The following MEF2A variants were observed in gnomAD, a reference collection of about 807,000 sequenced individuals.
The protein encoded by MEF2A is myocyte-specific enhancer factor 2A.
In MEF2A, 28 loss-of-function variants were observed where a neutral mutation model predicts 55.8. The observed-to-expected ratio is 0.50, with a 90% CI of 0.37 to 0.69. MEF2A has a LOEUF of 0.69. Among genes scored for constraint, MEF2A ranks in the 30% least tolerant of loss-of-function variants. The pLI is 0.00. For synonymous variants in MEF2A, 239 were observed against 227.1 expected (o/e 1.05, Z -0.47); for missense variants, 528 against 626.2 (o/e 0.84, Z 1.67).
At chr15:99,589,049 G>T (rs772450322) in intron 1 of MEF2A, among the ~76,000 whole-genome samples, 4 of 152,016 alleles carry the variant, frequency 2.6e-5, no homozygotes, top group African/African-American at 4.8e-5. Flanking sequence ...GCCTCATTTT[G>T]GTATCAGGGT....
intron 7 of MEF2A, among the ~76,000 whole-genome samples, chr15:99,675,827 G>A (rs900041232): frequency 2.0e-5 from 3 of 152,086 alleles, no homozygotes; most frequent in Non-Finnish European, 2.9e-5. Context: ...TGCCTGAGCT[G>A]AAGAGTTTGT....
At position 99,680,347 on chromosome 15, in the gene MEF2A, CA is replaced by C. The variant is rs528632189; in HGVS notation, c.670+4898del. Among the ~76,000 whole-genome samples the C allele has an allele frequency of 1.5e-4, 22 of 150,418 alleles. 1 individual carries two copies. The highest frequency in any genetic ancestry group is 4.2e-4 in the South Asian group (2 of 4,762). On this transcript the variant is annotated intron_variant, in intron 7 of 11. Transcript: ENST00000557942. The stretch of plus-strand genomic sequence containing the variant: ...ATTCATGAAATTCAAATTAAAATGA[CA>C]AAAAAAAATACTACTCTTACTTACT...
chr15:99,679,918 A>C (rs1007497800), intron 7 of MEF2A, among the ~76,000 whole-genome samples: 1 of 152,234 alleles, frequency 6.6e-6, no homozygotes, highest in Non-Finnish European at 1.5e-5. Flanking sequence ...GAGAAAATGT[A>C]TAGACACTCA....
At chr15:99,701,390 C>G (rs977925397) in intron 8 of MEF2A, among the ~76,000 whole-genome samples, 1 of 152,014 alleles carries the variant, frequency 6.6e-6, no homozygotes, top group Non-Finnish European at 1.5e-5. Flanking sequence ...AACAAGTTGT[C>G]AAGGTCATGC....
In MEF2A at chr15:99,714,651, T is replaced by C. The variant is rs1484456006; in HGVS notation, c.*1880T>C. The C allele has an allele frequency of 6.6e-6, 1 of 152,200 alleles. No homozygotes were observed. The highest frequency in any genetic ancestry group is 1.5e-5 in the Non-Finnish European group (1 of 68,022). 9.4% of individuals were successfully genotyped at this position (152,200 alleles called of 1,614,324 possible). On this transcript the variant is annotated 3_prime_UTR_variant, in exon 12 of 12. Transcript: ENST00000557942. ...CAAGTTCATCCACTTACTGGGCTTG[T>C]GCCATGAGCAAAATTCAAAGTCCTG...
chr15:99,596,504 C>T (rs1463884130), intron 1 of MEF2A, among the ~76,000 whole-genome samples: 1 of 152,020 alleles, frequency 6.6e-6, no homozygotes, highest in Non-Finnish European at 1.5e-5. Context: ...TTTTTCCCGC[C>T]CCCAGAGGAG....
chr15:99,689,691 A>G (rs1287828213), intron 7 of MEF2A, among the ~76,000 whole-genome samples: 1 of 152,102 alleles, frequency 6.6e-6, no homozygotes, highest in Non-Finnish European at 1.5e-5. Flanking sequence ...ATGTTGGCCA[A>G]GCTGGTCTCA....
At chr15:99,625,035 T>C (rs1459107915) in intron 2 of MEF2A, among the ~76,000 whole-genome samples, 1 of 152,214 alleles carries the variant, frequency 6.6e-6, no homozygotes, top group Non-Finnish European at 1.5e-5. Context: ...ATGGTTTTGC[T>C]GAACTAGACT....
intron 4 of MEF2A, among the ~76,000 whole-genome samples, chr15:99,659,770 C>T (rs147939304): frequency 5.3e-5 from 8 of 152,212 alleles, no homozygotes; most frequent in South Asian, 2.1e-4. Flanking sequence ...TTTAGTTTTC[C>T]GTTCAGTGGC....
At chr15:99,602,658 GT>G (rs1426829674) in intron 2 of MEF2A, among the ~76,000 whole-genome samples, 4 of 93,624 alleles carry the variant, frequency 4.3e-5, no homozygotes, top group East Asian at 3.0e-4. Context: ...CCTGGGGTGT[GT>G]GTGTGTGTGT....
At position 99,682,917 on chromosome 15, in the gene MEF2A, T is replaced by C. The variant is rs113325725; in HGVS notation, c.671-7324T>C. On this transcript the variant is annotated intron_variant, in intron 7 of 11. Transcript: ENST00000557942. The stretch of plus-strand genomic sequence containing the variant: ...AAGAATCTTCTAAATAATATCAGAA[T>C]CAGAACACATATTCATGCCATTGTA... 9.4e-3 allele frequency among the ~76,000 whole-genome samples: 1,439 copies of C among 152,378 alleles called. 20 individuals are homozygous for C. Among genetic ancestry groups the C allele is most frequent in the African/African-American group, 0.031 (1,297 of 41,596 alleles).
At chr15:99,637,117 C>CT (rs756775857) in intron 3 of MEF2A, among the ~76,000 whole-genome samples, 325 of 142,200 alleles carry the variant, frequency 2.3e-3, no homozygotes, top group Middle Eastern at 7.2e-3. Flanking sequence ...AGTTCTGCAC[C>CT]TTTTTTTTTT....
intron 2 of MEF2A, among the ~76,000 whole-genome samples, chr15:99,601,964 A>C (rs1269863951): frequency 6.6e-6 from 1 of 151,984 alleles, no homozygotes; most frequent in Non-Finnish European, 1.5e-5. Flanking sequence ...TTCACCAATG[A>C]AGACCTCTGG....
rs144678177 is a variant in MEF2A at position 99,696,175 on chromosome 15, A to G, written c.858+5747A>G. Among the ~76,000 whole-genome samples, 329 of 152,358 alleles carry G rather than the reference A, an allele frequency of 2.2e-3. 2 individuals carry two copies. Among genetic ancestry groups the G allele is most frequent in the African/African-American group, 4.3e-3 (177 of 41,584 alleles). On this transcript the variant is annotated intron_variant, in intron 8 of 11. Coordinates refer to ENST00000557942, the MANE Select transcript of MEF2A (RefSeq NM_001319206.4). ...TCCACAATTGTAGTTGGAGACTTCT[A>G]TATCCCTCTCAGTAACTGATAGAAC...
chr15:99,710,093 A>T (rs1252998330), intron 10 of MEF2A, among the ~76,000 whole-genome samples: 1 of 152,030 alleles, frequency 6.6e-6, no homozygotes, highest in African/African-American at 2.4e-5. Context: ...TGTACAGAAC[A>T]CTCTTTAATG....
intron 10 of MEF2A, among the ~76,000 whole-genome samples, chr15:99,709,021 G>C (rs776503113): frequency 3.3e-5 from 5 of 152,192 alleles, no homozygotes; most frequent in Non-Finnish European, 2.9e-5. Flanking sequence ...TTGAAGTAGA[G>C]GAGTGCCATG....
At chr15:99,635,536 A>C (rs1030337274) in intron 3 of MEF2A, among the ~76,000 whole-genome samples, 1 of 152,182 alleles carries the variant, frequency 6.6e-6, no homozygotes, top group Admixed American at 6.5e-5. Context: ...ACAAAGAAGA[A>C]GACCGTGTAG....
chr15:99,712,864 T>C lies in MEF2A; in HGVS notation c.*93T>C. On this transcript the variant is annotated 3_prime_UTR_variant, in exon 12 of 12. Coordinates refer to ENST00000557942, the MANE Select transcript of MEF2A (RefSeq NM_001319206.4). The surrounding 1 kb of genome is among the most constrained non-coding windows in gnomAD (Gnocchi z 4.1). Reference sequence around the variant, plus strand: ...AATAAGGACATGAGTTAAATATATTTATATGTACATACATATATATATCCC... The same window carrying C: ...AATAAGGACATGAGTTAAATATATTCATATGTACATACATATATATATCCC... 7.9e-7 allele frequency: 1 copy of C among 1,270,072 alleles called. No homozygotes were observed. The highest frequency in any genetic ancestry group is 2.4e-5 in the Admixed American group (1 of 42,076). The allele number at this position is 1,270,072 out of a possible 1,614,324, so 78.7% of individuals were successfully genotyped here. A position where few individuals can be genotyped will look rare whatever the true frequency, so the allele number is the denominator to read the frequency against.
intron 3 of MEF2A, among the ~76,000 whole-genome samples, chr15:99,641,567 C>A (rs1249798767): frequency 6.6e-6 from 1 of 152,074 alleles, no homozygotes; most frequent in Admixed American, 6.5e-5. Context: ...CTAAAAAATA[C>A]AAAAAATTAG....
Sources: gnomAD v4.1 joint callset for allele counts (sites outside exome capture counted in the v4.1 genomes callset) on GRCh38, gnomAD v4.1.1 for gene constraint, Gnocchi (gnomAD v3.1) non-coding constraint, MANE v1.5 for transcripts, NCBI Gene and HGNC (gene_info 2026-07-23, HGNC 2026-07-21) for gene names.